TTC28: variants seen among roughly 807,000 people sequenced by gnomAD.
TTC28 encodes the protein tetratricopeptide repeat domain 28.
In TTC28, 61 loss-of-function variants were observed where a neutral mutation model predicts 198.0. The ratio of observed to expected loss-of-function variants is 0.31; its 90% CI spans 0.25 to 0.38. The LOEUF (loss-of-function observed/expected upper bound fraction) is 0.38, where lower values mean the gene tolerates loss of function less well. Ranked by LOEUF, TTC28 falls within the 10% of genes least tolerant of loss-of-function variation. The pLI is 1.00. For synonymous variants in TTC28, 1,171 were observed against 1,297.8 expected (o/e 0.90, Z 2.10); for missense variants, 2,678 against 3,164.0 (o/e 0.85, Z 3.69).
At chr22:28,555,268 T>C (rs1298130156) in intron 2 of TTC28, among the ~76,000 whole-genome samples, 3 of 152,124 alleles carry the variant, frequency 2.0e-5, no homozygotes, top group Non-Finnish European at 4.4e-5. Context: ...GTACAATCAC[T>C]AGGGAAAACA....
At chr22:28,384,455 C>A (rs2046543254) in intron 2 of TTC28, among the ~76,000 whole-genome samples, 1 of 152,204 alleles carries the variant, frequency 6.6e-6, no homozygotes, top group African/African-American at 2.4e-5. Context: ...TCATCATCTT[C>A]CATACAGTAT....
intron 2 of TTC28, among the ~76,000 whole-genome samples, chr22:28,507,333 G>A (rs1568986389): frequency 6.6e-6 from 1 of 152,032 alleles, no homozygotes; most frequent in East Asian, 1.9e-4. Flanking sequence ...GCTATCTTTC[G>A]GAAATAAGAC....
intron 2 of TTC28, among the ~76,000 whole-genome samples, chr22:28,537,452 T>C (rs963790377): frequency 3.3e-5 from 5 of 151,906 alleles, no homozygotes. Context: ...GATGAATGGG[T>C]AGCCATCTTA....
intron 20 of TTC28, 188 bp from the exon 21 acceptor site, chr22:27,990,195 T>G: frequency 1.3e-6 from 1 of 769,604 alleles, no homozygotes; most frequent in South Asian, 2.6e-5. Flanking sequence ...TGTGGGAAGC[T>G]CATGGGGCAT....
intron 5 of TTC28, among the ~76,000 whole-genome samples, chr22:28,229,980 C>T (rs1028893923): frequency 1.3e-5 from 2 of 152,038 alleles, no homozygotes; most frequent in African/African-American, 2.4e-5. Flanking sequence ...TGCACACATG[C>T]AATGTGTCTG....
At chr22:28,213,664 G>T (rs889217940) in intron 5 of TTC28, among the ~76,000 whole-genome samples, 13 of 145,202 alleles carry the variant, frequency 9.0e-5, no homozygotes, top group South Asian at 2.3e-4. Flanking sequence ...TCCATGCTCC[G>T]GGATAGGAAG....
At chr22:28,304,222 T>C (rs979697452) in intron 3 of TTC28, among the ~76,000 whole-genome samples, 17 of 151,676 alleles carry the variant, frequency 1.1e-4, no homozygotes, top group Non-Finnish European at 2.1e-4. Context: ...GAGGCGGAGC[T>C]TGCAGTGAGC....
At chr22:28,147,202 T>C (rs1943489267) in intron 6 of TTC28, among the ~76,000 whole-genome samples, 1 of 152,224 alleles carries the variant, frequency 6.6e-6, no homozygotes, top group Admixed American at 6.5e-5. Flanking sequence ...GGGAACAACA[T>C]GCAGAAACTG....
intron 2 of TTC28, among the ~76,000 whole-genome samples, chr22:28,603,528 C>T (rs2050677556): frequency 6.6e-6 from 1 of 152,156 alleles, no homozygotes; most frequent in African/African-American, 2.4e-5. Context: ...GCTGGGACTA[C>T]AGCTACATGC....
At chr22:27,985,714 G>C (rs1937186963) in intron 21 of TTC28, 1 of 175,702 alleles carries the variant, frequency 5.7e-6, no homozygotes, top group Admixed American at 5.6e-5. Context: ...TATAAAGACT[G>C]TCCAGGACAA....
chr22:28,577,898 T>C lies in TTC28; in HGVS notation c.381+51654A>G, dbSNP rs188760658. Among the ~76,000 whole-genome samples, 133 of 152,240 alleles carry C rather than the reference T, an allele frequency of 8.7e-4. 2 individuals are homozygous for C. Among genetic ancestry groups the C allele is most frequent in the Non-Finnish European group, 3.5e-4 (24 of 67,994 alleles). ...TTCTTGTAGGTAACAGATGATGGTG[T>C]CTTGTTTTTTATCCATTCATCCACC... On this transcript the variant is annotated intron_variant, in intron 2 of 22. Transcript: ENST00000397906.
intron 1 of TTC28, among the ~76,000 whole-genome samples, chr22:28,678,978 G>A (rs528060990): frequency 3.3e-5 from 5 of 152,188 alleles, no homozygotes; most frequent in Non-Finnish European, 7.3e-5. Flanking sequence ...GGGTTTGGGA[G>A]GCAAGGGTGG....
chr22:28,531,700 A>G (rs2049143971), intron 2 of TTC28, among the ~76,000 whole-genome samples: 2 of 152,222 alleles, frequency 1.3e-5, no homozygotes, highest in Admixed American at 1.3e-4. Context: ...AGAAATTATA[A>G]CAAATTGTCT....
chr22:28,598,287 G>A (rs2050574807), intron 2 of TTC28, among the ~76,000 whole-genome samples: 1 of 151,606 alleles, frequency 6.6e-6, no homozygotes, highest in African/African-American at 2.4e-5. Context: ...GAGGTGGGTG[G>A]ATCACCAGGT....
At chr22:28,196,059 A>G (rs1925302858) in intron 5 of TTC28, among the ~76,000 whole-genome samples, 1 of 151,914 alleles carries the variant, frequency 6.6e-6, no homozygotes, top group African/African-American at 2.4e-5. Flanking sequence ...ACAGTAACCA[A>G]AACAGCATGG....
chr22:28,088,047 T>G (rs913892632), intron 12 of TTC28, among the ~76,000 whole-genome samples: 3 of 152,192 alleles, frequency 2.0e-5, no homozygotes, highest in Admixed American at 6.6e-5. Flanking sequence ...TCCATGCTCA[T>G]GGATAGGAAG....
intron 2 of TTC28, among the ~76,000 whole-genome samples, chr22:28,486,568 T>G (rs991058700): frequency 1.3e-5 from 2 of 152,322 alleles, no homozygotes; most frequent in East Asian, 1.9e-4. Context: ...AATACCTTCC[T>G]TGGTTGAAAT....
intron 2 of TTC28, among the ~76,000 whole-genome samples, chr22:28,592,326 T>G (rs1228864373): frequency 6.6e-6 from 1 of 151,924 alleles, no homozygotes; most frequent in Admixed American, 6.6e-5. Flanking sequence ...ATCTCAAGCC[T>G]GGGTGACAGA....
intron 5 of TTC28, among the ~76,000 whole-genome samples, chr22:28,270,219 A>ATT (rs1601556684): frequency 1.3e-5 from 2 of 152,234 alleles, no homozygotes; most frequent in East Asian, 3.8e-4. Context: ...CAAAGGGGGA[A>ATT]AAAACAAAAG....
Sources: allele counts gnomAD v4.1 joint callset (sites outside exome capture counted in the v4.1 genomes callset), GRCh38; gene constraint gnomAD v4.1.1; transcripts MANE v1.5; gene names NCBI Gene and HGNC (gene_info 2026-07-23, HGNC 2026-07-21).